The following PCDHA4 variants were observed in gnomAD, a reference collection of about 807,000 sequenced individuals.
PCDHA4 encodes protocadherin alpha 4.
Under a neutral mutation model 61.4 loss-of-function variants are expected in PCDHA4, and 49 were observed. That is an observed-to-expected ratio of 0.80 (90% confidence interval 0.63 to 1.01). The LOEUF (loss-of-function observed/expected upper bound fraction) is 1.01. PCDHA4 is among the 50% of genes least tolerant of loss of function. The probability of loss-of-function intolerance (pLI) is 0.00; values close to 1 mark genes in which losing one functional copy is unlikely to be tolerated. For missense variants in PCDHA4, 1,254 were observed against 1,235.8 expected (o/e 1.01, Z -0.22); for synonymous variants, 590 against 550.3 (o/e 1.07, Z -1.01).
intron 1 of PCDHA4, chr5:140,842,531 T>G: frequency 6.2e-7 from 1 of 1,613,052 alleles, no homozygotes; most frequent in Non-Finnish European, 8.5e-7. Flanking sequence ...CTTCAAGAAT[T>G]ACTACTCGTT....
At chr5:140,883,614 A>G (rs2059700095) in intron 1 of PCDHA4, 1 of 1,613,816 alleles carries the variant, frequency 6.2e-7, no homozygotes, top group South Asian at 1.1e-5. Context: ...GCCGACGTGA[A>G]CGACAACGCG....
intron 1 of PCDHA4, among the ~76,000 whole-genome samples, chr5:140,921,179 GT>G (rs1563044506): frequency 6.6e-6 from 1 of 151,662 alleles, no homozygotes; most frequent in South Asian, 2.1e-4. Context: ...ATAAAGCACA[GT>G]TTTTTCACAA....
intron 1 of PCDHA4, among the ~76,000 whole-genome samples, chr5:140,893,642 T>C (rs1479834135): frequency 1.3e-5 from 2 of 152,230 alleles, no homozygotes; most frequent in African/African-American, 2.4e-5. Context: ...TATAGTATTT[T>C]TGGCTGATAG....
intron 1 of PCDHA4, among the ~76,000 whole-genome samples, chr5:140,840,787 C>T (rs1335251358): frequency 6.6e-6 from 1 of 151,984 alleles, no homozygotes; most frequent in South Asian, 2.1e-4. Context: ...GAATTATATG[C>T]TCACCTCAGA....
intron 1 of PCDHA4, chr5:140,966,895 G>T: frequency 6.3e-7 from 1 of 1,596,682 alleles, no homozygotes. Flanking sequence ...CGGCCTCCCA[G>T]CTGCGATACT....
chr5:140,957,523 T>G (rs987363578), intron 1 of PCDHA4, among the ~76,000 whole-genome samples: 1 of 152,156 alleles, frequency 6.6e-6, no homozygotes, highest in African/African-American at 2.4e-5. Context: ...TTTCAGACAT[T>G]CAGTGGGGAT....
At position 140,822,272 on chromosome 5, in the gene PCDHA4, A is replaced by C; in HGVS notation, c.2385+12700A>C. ...GATTTGGATATTGGAGCAAATGCACAATTGAGATACAGGTTAAATCCAAAC... is the reference window on the plus strand; with the variant it reads ...GATTTGGATATTGGAGCAAATGCACCATTGAGATACAGGTTAAATCCAAAC... On this transcript the variant is annotated intron_variant, in intron 1 of 3. Coordinates refer to ENST00000530339, the MANE Select transcript of PCDHA4 (RefSeq NM_018907.4). The C allele has an allele frequency of 6.2e-7, 1 of 1,614,244 alleles. No individual in the cohort carries two copies. The highest frequency in any genetic ancestry group is 1.7e-5 in the Admixed American group (1 of 60,036).
At chr5:140,886,759 G>A (rs541111444) in intron 1 of PCDHA4, among the ~76,000 whole-genome samples, 221 of 150,566 alleles carry the variant, frequency 1.5e-3, no homozygotes, top group Non-Finnish European at 2.7e-3. Flanking sequence ...CCGGGAGGTG[G>A]AGGTTGCAGT....
intron 1 of PCDHA4, chr5:140,881,332 C>G (rs923599590): frequency 1.0e-6 from 1 of 984,540 alleles, no homozygotes; most frequent in East Asian, 1.1e-4. Context: ...TTAACCAGGA[C>G]GCCGATTCGG....
chr5:141,002,271 T>C (rs942626808), intron 3 of PCDHA4, among the ~76,000 whole-genome samples: 3 of 152,220 alleles, frequency 2.0e-5, no homozygotes, highest in African/African-American at 7.2e-5. Context: ...CCAGAGCTGG[T>C]AACAAAGGGA....
intron 1 of PCDHA4, chr5:140,847,497 A>G (rs1331989915): frequency 3.3e-5 from 5 of 149,972 alleles, no homozygotes; most frequent in African/African-American, 1.2e-4. Context: ...AAAACTCACA[A>G]CAAAACTTTG....
intron 1 of PCDHA4, chr5:140,927,048 G>C: frequency 6.2e-7 from 1 of 1,612,122 alleles, no homozygotes; most frequent in Non-Finnish European, 8.5e-7. Flanking sequence ...CTATGTCCTC[G>C]CGGAACTTTC....
chr5:140,839,534 C>T (rs1554137499), intron 1 of PCDHA4, among the ~76,000 whole-genome samples: 2 of 151,968 alleles, frequency 1.3e-5, no homozygotes, highest in Non-Finnish European at 2.9e-5. Flanking sequence ...GGACTATAGG[C>T]ACACACCACC....
chr5:140,815,149 G>A (rs2126662036), intron 1 of PCDHA4: 1 of 152,118 alleles, frequency 6.6e-6, no homozygotes, highest in South Asian at 2.1e-4. Flanking sequence ...CAACCACTTT[G>A]TATCTTTTGA....
intron 1 of PCDHA4, among the ~76,000 whole-genome samples, chr5:140,950,241 G>T (rs191139851): frequency 2.0e-5 from 3 of 152,014 alleles, no homozygotes; most frequent in African/African-American, 4.8e-5. Flanking sequence ...CCATTAATTT[G>T]TTCCTAAAGA....
chr5:140,850,784 T>C (rs2150498192), intron 1 of PCDHA4: 7 of 1,597,982 alleles, frequency 4.4e-6, no homozygotes, highest in South Asian at 1.1e-5. Flanking sequence ...CTGGCGAGGG[T>C]AAGCAGAAGA....
rs782061977 is a variant in PCDHA4 at position 140,870,205 on chromosome 5, A to C, written c.2385+60633A>C. 2.5e-6 allele frequency: 4 copies of C among 1,614,148 alleles called. No homozygotes were observed. The South Asian group carries it at 4.4e-5, about 18-fold the overall frequency. On this transcript the variant is annotated intron_variant, in intron 1 of 3. Transcript: ENST00000530339. Reference sequence around the variant, plus strand: ...AGAGGACGCTCAGCCCAGCACGGTCATTGCCCTGATCAGCGTGTCTGACCG... The same window carrying C: ...AGAGGACGCTCAGCCCAGCACGGTCCTTGCCCTGATCAGCGTGTCTGACCG...
At chr5:140,823,487 G>T in intron 1 of PCDHA4, 3 of 1,613,262 alleles carry the variant, frequency 1.9e-6, no homozygotes, top group Non-Finnish European at 2.5e-6. Context: ...CGAGTGGGTG[G>T]CACCGGCGGC....
chr5:140,884,123 C>A (rs1360744073), intron 1 of PCDHA4: 4 of 1,613,232 alleles, frequency 2.5e-6, no homozygotes, highest in Non-Finnish European at 3.4e-6. Context: ...GGTCGGCGCG[C>A]GCATCCCGTT....
Sources: allele counts gnomAD v4.1 joint callset (sites outside exome capture counted in the v4.1 genomes callset), GRCh38; gene constraint gnomAD v4.1.1; transcripts MANE v1.5; gene names NCBI Gene and HGNC (gene_info 2026-07-23, HGNC 2026-07-21).